Variants in GFRAL observed in about 807,000 individuals in gnomAD.
GFRAL encodes the protein GDNF family receptor alpha like.
In GFRAL, 36 loss-of-function variants were observed where a neutral mutation model predicts 45.4. The observed-to-expected ratio is 0.79, with a 90% confidence interval of 0.61 to 1.05. GFRAL has a LOEUF of 1.05. GFRAL is among the 50% of genes least tolerant of loss of function. The pLI is 0.00. For synonymous variants in GFRAL, 166 were observed against 154.1 expected (o/e 1.08, Z -0.57); for missense variants, 507 against 467.5 (o/e 1.08, Z -0.78).
intron 6 of GFRAL, among the ~76,000 whole-genome samples, chr6:55,395,162 GAAAA>G (rs869161118): frequency 3.2e-5 from 4 of 125,176 alleles, no homozygotes; most frequent in African/African-American, 6.7e-5. Flanking sequence ...TCAGCCTATG[GAAAA>G]AAAAAAAAAA....
chr6:55,376,186 A>C (rs1009117328), intron 6 of GFRAL, among the ~76,000 whole-genome samples: 3 of 152,014 alleles, frequency 2.0e-5, no homozygotes, highest in African/African-American at 7.2e-5. Flanking sequence ...ATTGAACCAA[A>C]CTTGCACCCC....
chr6:55,345,168 C>T (rs564261406), intron 3 of GFRAL, among the ~76,000 whole-genome samples: 1 of 152,272 alleles, frequency 6.6e-6, no homozygotes, highest in Admixed American at 6.5e-5. Context: ...CAATGACTTC[C>T]TTCACAGAAT....
chr6:55,366,287 T>C (rs1032497276), intron 6 of GFRAL, among the ~76,000 whole-genome samples: 5 of 152,154 alleles, frequency 3.3e-5, no homozygotes, highest in Non-Finnish European at 5.9e-5. Context: ...GGTAGTGACA[T>C]CCCCTTTATC....
chr6:55,351,566 A>G lies in GFRAL; in HGVS notation c.684A>G (p.Gln228=), dbSNP rs1768118350. The change falls in exon 5 of 9, where the codon CAA becomes CAG. Residue 228 remains glutamine, a synonymous_variant. Transcript: ENST00000340465. ...PTCLSVIRSC[Q]NDELCRRHYR... is the part of the protein sequence containing the mutation. Reference sequence around the variant, plus strand: ...GCCTCAGTGTAATTCGCAGCTGCCAAAATGATGAATTATGCAGGTGGGTAA... The same window carrying G: ...GCCTCAGTGTAATTCGCAGCTGCCAGAATGATGAATTATGCAGGTGGGTAA... 1 of 1,599,044 alleles carries G rather than the reference A, an allele frequency of 6.3e-7. No individual in the cohort carries two copies. Among genetic ancestry groups the G allele is most frequent in the Non-Finnish European group, 8.6e-7 (1 of 1,168,246 alleles).
intron 6 of GFRAL, among the ~76,000 whole-genome samples, chr6:55,362,129 C>T (rs1484510772): frequency 6.6e-6 from 1 of 151,758 alleles, no homozygotes; most frequent in South Asian, 2.1e-4. Flanking sequence ...GTTTCAAAAA[C>T]ACTTTCTTGG....
chr6:55,341,600 C>T (rs1387897945), intron 3 of GFRAL, among the ~76,000 whole-genome samples: 1 of 152,150 alleles, frequency 6.6e-6, no homozygotes, highest in African/African-American at 2.4e-5. Flanking sequence ...GCTGAGAATT[C>T]TAAAAATCAG....
intron 4 of GFRAL, among the ~76,000 whole-genome samples, chr6:55,350,600 C>A (rs1768103983): frequency 6.6e-6 from 1 of 152,072 alleles, no homozygotes; most frequent in Admixed American, 6.6e-5. Flanking sequence ...CATTGGGAGG[C>A]TGAGGCAGGA....
At chr6:55,351,176 C>T (rs1273610813) in intron 4 of GFRAL, 77 bp from the exon 5 acceptor site, 1 of 1,028,820 alleles carries the variant, frequency 9.7e-7, no homozygotes, top group Admixed American at 2.3e-5. Context: ...TCATAGACTT[C>T]TCACAGTGTT....
intron 6 of GFRAL, among the ~76,000 whole-genome samples, chr6:55,381,408 G>A (rs1041709298): frequency 5.9e-5 from 9 of 151,722 alleles, no homozygotes; most frequent in Non-Finnish European, 1.3e-4. Context: ...TAGTAAGATT[G>A]GTTTATTCAT....
Position 55,351,311 on chromosome 6 carries a change from C to T in GFRAL, c.429C>T (p.Val143=). Residue 143 remains valine, a synonymous_variant, in exon 5 of 9, where the codon GTC becomes GTT. Transcript: ENST00000340465. Reference sequence around the variant, plus strand: ...CAGAGGCATGTGTAGGGGATGTGGTCTGTAATGCACAGTTGGCCTCTTACC... The same window carrying T: ...CAGAGGCATGTGTAGGGGATGTGGTTTGTAATGCACAGTTGGCCTCTTACC... ...EVAEACVGDV[V]CNAQLASYLK... The T allele has an allele frequency of 6.2e-7, 1 of 1,612,862 alleles. No homozygotes were observed.
At chr6:55,348,577 T>C (rs1309457247) in intron 3 of GFRAL, among the ~76,000 whole-genome samples, 1 of 152,090 alleles carries the variant, frequency 6.6e-6, no homozygotes, top group Non-Finnish European at 1.5e-5. Flanking sequence ...TTTTACTAGC[T>C]TGTAGATAGC....
chr6:55,369,493 T>C (rs1768420832), intron 6 of GFRAL, among the ~76,000 whole-genome samples: 1 of 152,204 alleles, frequency 6.6e-6, no homozygotes, highest in South Asian at 2.1e-4. Flanking sequence ...AAAGGTCATA[T>C]CATATCTTAT....
intron 6 of GFRAL, among the ~76,000 whole-genome samples, chr6:55,382,779 C>T (rs1768628141): frequency 6.6e-6 from 1 of 151,970 alleles, no homozygotes; most frequent in Non-Finnish European, 1.5e-5. Context: ...ACTTCTCTCA[C>T]TTTCCTTCAA....
chr6:55,353,218 G>T (rs1768142820), intron 5 of GFRAL, among the ~76,000 whole-genome samples: 1 of 151,946 alleles, frequency 6.6e-6, no homozygotes, highest in Non-Finnish European at 1.5e-5. Context: ...TGTGTGATTT[G>T]TCATATTTGT....
chr6:55,347,914 CAT>C (rs1290756556), intron 3 of GFRAL, among the ~76,000 whole-genome samples: 2 of 152,062 alleles, frequency 1.3e-5, no homozygotes, highest in African/African-American at 4.8e-5. Context: ...TTTATAGAAA[CAT>C]GTTTGTCTAC....
chr6:55,358,034 A>G (rs531186752), intron 5 of GFRAL, among the ~76,000 whole-genome samples: 24 of 151,930 alleles, frequency 1.6e-4, no homozygotes, highest in African/African-American at 5.1e-4. Context: ...TTTAATATAC[A>G]TGAATTAATC....
chr6:55,341,406 C>G (rs1767963501), intron 3 of GFRAL, among the ~76,000 whole-genome samples: 1 of 152,160 alleles, frequency 6.6e-6, no homozygotes, highest in South Asian at 2.1e-4. Flanking sequence ...GACACCCAGT[C>G]AAACAGGGTC....
intron 6 of GFRAL, among the ~76,000 whole-genome samples, chr6:55,368,585 G>T (rs1354294847): frequency 6.6e-6 from 1 of 151,874 alleles, no homozygotes; most frequent in Non-Finnish European, 1.5e-5. Flanking sequence ...ATCTACTTTT[G>T]GTCTTTGATG....
At chr6:55,345,213 C>G (rs1768021792) in intron 3 of GFRAL, among the ~76,000 whole-genome samples, 2 of 151,960 alleles carry the variant, frequency 1.3e-5, no homozygotes, top group African/African-American at 4.8e-5. Flanking sequence ...CATATGGAAC[C>G]AAAAAAGGGC....
Sources: allele counts gnomAD v4.1 joint callset (sites outside exome capture counted in the v4.1 genomes callset), GRCh38; gene constraint gnomAD v4.1.1; transcripts MANE v1.5; gene names NCBI Gene and HGNC (gene_info 2026-07-23, HGNC 2026-07-21).